The following S100A8 variants were observed in gnomAD, a reference collection of about 807,000 sequenced individuals.
The protein encoded by S100A8 is protein S100-A8.
S100A8 carries 1 observed loss-of-function variant against 4.2 expected under a neutral mutation model. The ratio of observed to expected loss-of-function variants is 0.24; its 90% CI spans 0.08 to 1.12. S100A8 has a LOEUF of 1.12. S100A8 is among the 50% of genes most tolerant of loss of function. The probability of loss-of-function intolerance (pLI) is 0.53; values close to 1 mark genes in which losing one functional copy is unlikely to be tolerated. For missense variants in S100A8, 96 were observed against 111.8 expected, an observed-to-expected ratio of 0.86 and a Z score of 0.64; for synonymous variants, 41 against 44.7, an observed-to-expected ratio of 0.92 and a Z score of 0.33.
the S100A8 span, chr1:153,418,120 T>A: frequency 2.8e-5 from 45 of 1,614,176 alleles, no homozygotes; most frequent in African/African-American, 5.2e-4. Context: ...ATAATAGGCA[T>A]GATCGACATG....
At chr1:153,403,065 C>A in the S100A8 span, among the ~76,000 whole-genome samples, 1 of 152,312 alleles carries the variant, frequency 6.6e-6, no homozygotes, top group Non-Finnish European at 1.5e-5. Context: ...TGAAACTAGA[C>A]CACACAAGCA....
Position 153,390,084 on chromosome 1 carries a change from T to A in S100A8, c.*19A>T. 2 of 1,603,186 alleles carry A rather than the reference T, an allele frequency of 1.2e-6. No individual in the cohort carries two copies. The highest frequency in any genetic ancestry group is 1.7e-6 in the Non-Finnish European group (2 of 1,172,930). ...CAGGTACATGTCCAGGGGCCCAGCC[T>A]CTGGGCCCAGTAACTCAGCTACTCT... On this transcript the variant is annotated 3_prime_UTR_variant, in exon 3 of 3. Coordinates refer to ENST00000368733, the MANE Select transcript of S100A8 (RefSeq NM_002964.5).
the S100A8 span, among the ~76,000 whole-genome samples, chr1:153,405,370 C>T: frequency 1.3e-5 from 2 of 150,122 alleles, no homozygotes. Flanking sequence ...TTTGTAAGCC[C>T]CCTGCCATTT....
At chr1:153,394,504 C>A (rs1662171722), upstream of S100A8, among the ~76,000 whole-genome samples, 1 of 152,190 alleles carries the variant, frequency 6.6e-6, no homozygotes, top group Admixed American at 6.5e-5. Context: ...CTTCCCCAAA[C>A]ACCTGCTGAG....
At chr1:153,418,324 A>G in the S100A8 span, 2 of 1,501,360 alleles carry the variant, frequency 1.3e-6, no homozygotes, top group Non-Finnish European at 1.8e-6. Context: ...TCCTCTGATT[A>G]AAAAGTTTCC....
At chr1:153,403,843 A>G in the S100A8 span, among the ~76,000 whole-genome samples, 1 of 152,152 alleles carries the variant, frequency 6.6e-6, no homozygotes, top group South Asian at 2.1e-4. Flanking sequence ...CCATCGGGGT[A>G]TCGTGCAATT....
intron 1 of S100A8, chr1:153,390,776 A>G (rs1328771471): frequency 1.6e-6 from 1 of 612,286 alleles, no homozygotes; most frequent in African/African-American, 1.9e-5. Context: ...ACATGTGCAC[A>G]CACACGGGGC....
the S100A8 span, among the ~76,000 whole-genome samples, chr1:153,402,979 TTC>T: frequency 0.12 from 18,997 of 152,178 alleles, 1,212 homozygotes; most frequent in African/African-American, 0.17. Context: ...GGTATATTTA[TTC>T]TGTGACAAAA....
chr1:153,395,845 G>A (rs1158948963), upstream of S100A8, among the ~76,000 whole-genome samples: 2 of 152,150 alleles, frequency 1.3e-5, no homozygotes, highest in Non-Finnish European at 2.9e-5. Context: ...TTCTACTGTT[G>A]TTCCCTCTGC....
At chr1:153,400,408 C>G in the S100A8 span, among the ~76,000 whole-genome samples, 3 of 152,218 alleles carry the variant, frequency 2.0e-5, no homozygotes, top group South Asian at 2.1e-4. Flanking sequence ...CTTCTCCCAG[C>G]CGGCCCCTTC....
chr1:153,415,421 A>G, the S100A8 span, among the ~76,000 whole-genome samples: 2 of 152,316 alleles, frequency 1.3e-5, no homozygotes, highest in South Asian at 2.1e-4. Context: ...CTTGCGGCCT[A>G]CAAGGAACAT....
the S100A8 span, chr1:153,418,251 T>C: frequency 6.2e-7 from 1 of 1,613,184 alleles, no homozygotes; most frequent in Non-Finnish European, 8.5e-7. Flanking sequence ...TTCTCAATGT[T>C]GGTTGGACCC....
the S100A8 span, among the ~76,000 whole-genome samples, chr1:153,399,753 TG>T: frequency 1.3e-5 from 2 of 151,946 alleles, no homozygotes; most frequent in African/African-American, 4.8e-5. Flanking sequence ...CCTGGGGAGT[TG>T]GGGGGGACTT....
chr1:153,403,390 A>G, the S100A8 span, among the ~76,000 whole-genome samples: 1 of 152,140 alleles, frequency 6.6e-6, no homozygotes, highest in African/African-American at 2.4e-5. Context: ...AAATCAATTG[A>G]CTGTGAATGT....
At chr1:153,406,509 C>T in the S100A8 span, among the ~76,000 whole-genome samples, 2 of 151,880 alleles carry the variant, frequency 1.3e-5, no homozygotes, top group South Asian at 4.2e-4. Context: ...TCCACATCCA[C>T]TCCATCTCCC....
the S100A8 span, chr1:153,419,260 A>G: frequency 6.2e-7 from 1 of 1,614,216 alleles, no homozygotes; most frequent in Non-Finnish European, 8.5e-7. Flanking sequence ...GCCGCAGACT[A>G]CCACAAGCAG....
chr1:153,393,962 C>T (rs1021184184), upstream of S100A8, among the ~76,000 whole-genome samples: 3 of 152,156 alleles, frequency 2.0e-5, no homozygotes, highest in Admixed American at 6.5e-5. Context: ...CGTGAAATGT[C>T]GCCCCCTCCC....
upstream of S100A8, among the ~76,000 whole-genome samples, chr1:153,393,930 T>C (rs893934474): frequency 3.9e-5 from 6 of 152,156 alleles, no homozygotes; most frequent in Non-Finnish European, 5.9e-5. Flanking sequence ...TCCCACATCA[T>C]GTACAGGCTG....
chr1:153,420,829 A>G, the S100A8 span: 1 of 150,892 alleles, frequency 6.6e-6, no homozygotes, highest in African/African-American at 2.5e-5. Context: ...TGCCTTCTCT[A>G]TGCAGCCTGC....
Sources: gnomAD v4.1 joint callset for allele counts (sites outside exome capture counted in the v4.1 genomes callset) on GRCh38, gnomAD v4.1.1 for gene constraint, MANE v1.5 for transcripts, NCBI Gene and HGNC (gene_info 2026-07-23, HGNC 2026-07-21) for gene names.